VEGFC: variants seen among roughly 807,000 people sequenced by gnomAD.
The protein encoded by VEGFC is vascular endothelial growth factor C, also known as FLT4 ligand DHM.
VEGFC carries 12 observed loss-of-function variants against 46.1 expected under a neutral mutation model. That is an observed-to-expected ratio of 0.26 (90% CI 0.17 to 0.42). The LOEUF (loss-of-function observed/expected upper bound fraction) is 0.42. VEGFC is among the 10% of genes least tolerant of loss of function. The pLI is 1.00. For missense variants in VEGFC, 488 were observed against 529.4 expected, an observed-to-expected ratio of 0.92 and a Z score of 0.77; for synonymous variants, 232 against 195.5, an observed-to-expected ratio of 1.19 and a Z score of -1.56.
At chr4:176,689,684 T>C (rs1484162870) in intron 4 of VEGFC, 2 of 152,232 alleles carry the variant, frequency 1.3e-5, no homozygotes, top group African/African-American at 2.4e-5. Context: ...CAGTCTATTA[T>C]GGGTCTTTTA....
chr4:176,744,494 G>C (rs1415891535), intron 1 of VEGFC, among the ~76,000 whole-genome samples: 1 of 152,040 alleles, frequency 6.6e-6, no homozygotes. Flanking sequence ...AGGCAATGTA[G>C]TAGGCCTATA....
At chr4:176,742,531 A>G (rs656599) in intron 1 of VEGFC, among the ~76,000 whole-genome samples, 141,778 of 152,028 alleles carry the variant, frequency 0.93, 66,933 homozygotes, top group East Asian at 1. Flanking sequence ...TTTCCTTAGG[A>G]TTGAACTAAT....
chr4:176,772,067 G>A (rs1386349240), intron 1 of VEGFC, among the ~76,000 whole-genome samples: 1 of 152,084 alleles, frequency 6.6e-6, no homozygotes, highest in Non-Finnish European at 1.5e-5. Flanking sequence ...ATTAAGAAAC[G>A]GAGAGGAAAC....
intron 4 of VEGFC, among the ~76,000 whole-genome samples, chr4:176,709,457 A>G (rs1734586110): frequency 6.6e-6 from 1 of 152,226 alleles, no homozygotes; most frequent in African/African-American, 2.4e-5. Context: ...AAGTTAATCC[A>G]GTGAGTGCTA....
intron 1 of VEGFC, among the ~76,000 whole-genome samples, chr4:176,757,246 T>C (rs1735447885): frequency 6.6e-6 from 1 of 152,044 alleles, no homozygotes; most frequent in Non-Finnish European, 1.5e-5. Context: ...TTAGGGGCCA[T>C]AAAGGAACAC....
At chr4:176,776,155 C>T (rs1439262656) in intron 1 of VEGFC, among the ~76,000 whole-genome samples, 1 of 152,122 alleles carries the variant, frequency 6.6e-6, no homozygotes, top group East Asian at 1.9e-4. Flanking sequence ...TTATTAAAAT[C>T]TTGCTTTACA....
At chr4:176,781,064 T>G (rs1735907676) in intron 1 of VEGFC, among the ~76,000 whole-genome samples, 1 of 152,226 alleles carries the variant, frequency 6.6e-6, no homozygotes, top group South Asian at 2.1e-4. Flanking sequence ...CATTAAAATT[T>G]ATGACATCAT....
rs1560951724 is a variant in VEGFC, at chr4:176,740,347, T to TA, written c.148-10602_148-10601insT. Among the ~76,000 whole-genome samples, 13 of 119,604 alleles carry TA rather than the reference T, an allele frequency of 1.1e-4. 1 individual carries two copies. The East Asian group carries it at 1.4e-3, about 13-fold the overall frequency. 78.5% of individuals were successfully genotyped at this position (119,604 alleles called of 152,430 possible). A position where few individuals can be genotyped will look rare whatever the true frequency, so the allele number is the denominator to read the frequency against. ...TAAATAAATATATATAACTATATATTTATATATAGTTATATATATTCTATA... is the reference window on the plus strand; with the variant it reads ...TAAATAAATATATATAACTATATATTATATATATAGTTATATATATTCTATA... On this transcript the variant is annotated intron_variant, in intron 1 of 6. Transcript: ENST00000618562.
chr4:176,717,845 G>A (rs1734722156), intron 3 of VEGFC, among the ~76,000 whole-genome samples: 1 of 152,082 alleles, frequency 6.6e-6, no homozygotes, highest in South Asian at 2.1e-4. Context: ...AATGGGAAAA[G>A]GTCTTAGCAT....
chr4:176,742,438 T>C (rs934885915), intron 1 of VEGFC, among the ~76,000 whole-genome samples: 1 of 151,984 alleles, frequency 6.6e-6, no homozygotes, highest in Non-Finnish European at 1.5e-5. Flanking sequence ...TCCTCTTATA[T>C]AGTACCACCC....
chr4:176,774,516 C>CA (rs1426946490), intron 1 of VEGFC, among the ~76,000 whole-genome samples: 2 of 152,072 alleles, frequency 1.3e-5, no homozygotes, highest in Non-Finnish European at 2.9e-5. Flanking sequence ...TTGTGGCAAA[C>CA]AACTATCTTT....
At chr4:176,759,462 G>A (rs1735490491) in intron 1 of VEGFC, among the ~76,000 whole-genome samples, 1 of 152,082 alleles carries the variant, frequency 6.6e-6, no homozygotes, top group African/African-American at 2.4e-5. Context: ...CCAGGGGCTC[G>A]GGGACTGGTG....
chr4:176,771,090 A>C (rs2110927125), intron 1 of VEGFC, among the ~76,000 whole-genome samples: 1 of 152,308 alleles, frequency 6.6e-6, no homozygotes, highest in African/African-American at 2.4e-5. Context: ...TTCTACTTTG[A>C]AAACAAGTTA....
intron 3 of VEGFC, among the ~76,000 whole-genome samples, chr4:176,718,711 C>T (rs182096625): frequency 1.3e-3 from 199 of 152,172 alleles, no homozygotes; most frequent in African/African-American, 4.5e-3. Flanking sequence ...CTTGATTTAA[C>T]CCCACCATTT....
intron 1 of VEGFC, among the ~76,000 whole-genome samples, chr4:176,774,008 C>T (rs1735765974): frequency 6.6e-6 from 1 of 152,072 alleles, no homozygotes; most frequent in Admixed American, 6.6e-5. Flanking sequence ...TTAAACTCAA[C>T]AATGCTCATC....
intron 1 of VEGFC, among the ~76,000 whole-genome samples, chr4:176,732,446 C>G (rs1283493200): frequency 2.0e-5 from 3 of 151,834 alleles, no homozygotes; most frequent in African/African-American, 4.8e-5. Flanking sequence ...CTGGGGGTCT[C>G]TTAGGTACAG....
intron 1 of VEGFC, among the ~76,000 whole-genome samples, chr4:176,761,924 AAAGGT>A (rs1303368139): frequency 2.6e-5 from 4 of 152,226 alleles, no homozygotes; most frequent in South Asian, 2.1e-4. Context: ...CAAGACAGAG[AAAGGT>A]AAGAAAGCAA....
rs180753020 is a variant in VEGFC at position 176,733,976 on chromosome 4, T to C, written c.148-4230A>G. Among the ~76,000 whole-genome samples the C allele has an allele frequency of 3.3e-3, 495 of 151,964 alleles. 5 individuals carry two copies. Among genetic ancestry groups the C allele is most frequent in the Admixed American group, 7.6e-3 (116 of 15,202 alleles). ...ATTGCTTGGTACAAACAGGATTTTA[T>C]GAAATTTCTTTTTTGTTGTTTTCAG... On this transcript the variant is annotated intron_variant, in intron 1 of 6. Transcript: ENST00000618562.
chr4:176,765,774 C>A (rs1735610272), intron 1 of VEGFC, among the ~76,000 whole-genome samples: 1 of 151,970 alleles, frequency 6.6e-6, no homozygotes, highest in South Asian at 2.1e-4. Flanking sequence ...AGGATGGTCT[C>A]AATCTCCTGA....
Sources: allele counts gnomAD v4.1 joint callset (sites outside exome capture counted in the v4.1 genomes callset), GRCh38; gene constraint gnomAD v4.1.1; transcripts MANE v1.5; gene names NCBI Gene and HGNC (gene_info 2026-07-23, HGNC 2026-07-21).